MAPKAP1: variants seen among roughly 807,000 people sequenced by gnomAD.
The protein encoded by MAPKAP1 is target of rapamycin complex 2 subunit MAPKAP1.
A neutral mutation model predicts 65.7 loss-of-function variants in MAPKAP1; 20 were observed. The observed-to-expected ratio is 0.30, with a 90% CI of 0.21 to 0.44. The LOEUF (loss-of-function observed/expected upper bound fraction) is 0.44. MAPKAP1 is among the 20% of genes least tolerant of loss of function. MAPKAP1 has a pLI of 1.00. For synonymous variants in MAPKAP1, 222 were observed against 244.3 expected (o/e 0.91, Z 0.85); for missense variants, 423 against 648.0 (o/e 0.65, Z 3.77).
At chr9:125,580,056 G>A (rs1435421342) in intron 5 of MAPKAP1, among the ~76,000 whole-genome samples, 1 of 152,202 alleles carries the variant, frequency 6.6e-6, no homozygotes, top group Non-Finnish European at 1.5e-5. Context: ...GAGAGGATAT[G>A]GAGAAATAGA....
intron 10 of MAPKAP1, among the ~76,000 whole-genome samples, chr9:125,460,308 GAAAA>G (rs1053806026): frequency 1.5e-5 from 2 of 137,496 alleles, no homozygotes; most frequent in African/African-American, 2.7e-5. Flanking sequence ...TCTCCCAGGA[GAAAA>G]AAAAAAAAGT....
At chr9:125,594,004 G>A (rs1256256210) in intron 4 of MAPKAP1, among the ~76,000 whole-genome samples, 3 of 152,040 alleles carry the variant, frequency 2.0e-5, no homozygotes, top group Admixed American at 1.3e-4. Context: ...ACTCTGTCAC[G>A]CAAGCTAGGA....
intron 8 of MAPKAP1, among the ~76,000 whole-genome samples, chr9:125,503,164 A>G (rs1194695801): frequency 6.6e-6 from 1 of 152,236 alleles, no homozygotes; most frequent in Non-Finnish European, 1.5e-5. Context: ...CATCCTAACC[A>G]TCTTACAGAT....
Position 125,524,099 on chromosome 9 carries a change from C to A in MAPKAP1, c.959-17682G>T, listed in dbSNP as rs984375835. On this transcript the variant is annotated intron_variant, in intron 7 of 11. Transcript: ENST00000265960. ...AGAGGCCAGGCTTGAGGACTGCAAC[C>A]TAGGAGCATAGATTTAGGTTGCCCT... Among the ~76,000 whole-genome samples, 3 of 152,188 alleles carry A rather than the reference C, an allele frequency of 2.0e-5. 1 individual carries two copies. The highest frequency in any genetic ancestry group is 1.3e-4 in the Admixed American group (2 of 15,284).
Position 125,439,983 on chromosome 9 carries a change from G to A in MAPKAP1, c.1444-971C>T, listed in dbSNP as rs1019343808. 6.6e-6 allele frequency among the ~76,000 whole-genome samples: 1 copy of A among 152,218 alleles called. No individual in the cohort carries two copies. The highest frequency in any genetic ancestry group is 1.5e-5 in the Non-Finnish European group (1 of 68,046). On this transcript the variant is annotated intron_variant, in intron 11 of 11. Coordinates refer to ENST00000265960, the MANE Select transcript of MAPKAP1 (RefSeq NM_001006617.3). This position sits in a 1 kb window ranked among gnomAD's most constrained non-coding sequence, Gnocchi z 4.0. ...ACACAGGAGTTTTTGAGTGCGCAAC[G>A]GGGAGGAGAGACGCAGCATGCATCA...
chr9:125,627,526 C>T (rs1833149519), intron 4 of MAPKAP1, among the ~76,000 whole-genome samples: 3 of 152,128 alleles, frequency 2.0e-5, no homozygotes, highest in Admixed American at 6.5e-5. Context: ...CTGGCCTGCA[C>T]TGAGAAAGGG....
intron 1 of MAPKAP1, among the ~76,000 whole-genome samples, chr9:125,688,161 G>T (rs1050571476): frequency 6.6e-6 from 1 of 151,632 alleles, no homozygotes; most frequent in African/African-American, 2.4e-5. Context: ...TTTTTGAGAC[G>T]GAGTTTTGCT....
At chr9:125,692,258 C>A (rs1835192565) in intron 1 of MAPKAP1, among the ~76,000 whole-genome samples, 1 of 152,116 alleles carries the variant, frequency 6.6e-6, no homozygotes, top group African/African-American at 2.4e-5. Flanking sequence ...GTAGAAATAA[C>A]CCAAATGTCC....
At chr9:125,639,790 G>T (rs1200706230) in intron 4 of MAPKAP1, among the ~76,000 whole-genome samples, 1 of 152,118 alleles carries the variant, frequency 6.6e-6, no homozygotes, top group African/African-American at 2.4e-5. Flanking sequence ...ACAGTATCTG[G>T]TTTCTAATAC....
chr9:125,693,560 CATATATACATACACACACAT>C (rs1835249199), intron 1 of MAPKAP1, among the ~76,000 whole-genome samples: 2 of 150,064 alleles, frequency 1.3e-5, no homozygotes, highest in East Asian at 3.9e-4. Flanking sequence ...TATACACACA[CATATATACATACACACACAT>C]ATATACACGT....
At chr9:125,593,422 G>A (rs1419727713) in intron 4 of MAPKAP1, among the ~76,000 whole-genome samples, 4 of 152,178 alleles carry the variant, frequency 2.6e-5, no homozygotes, top group Admixed American at 2.6e-4. Context: ...AGCACTTTGG[G>A]AGGCTGAGAC....
chr9:125,516,518 C>A (rs536799374), intron 7 of MAPKAP1, among the ~76,000 whole-genome samples: 10 of 152,254 alleles, frequency 6.6e-5, no homozygotes, highest in Admixed American at 2.6e-4. Flanking sequence ...TTTTTTCTTG[C>A]CTGGCCTTGG....
At chr9:125,646,680 A>G (rs781423599) in intron 4 of MAPKAP1, among the ~76,000 whole-genome samples, 26 of 152,222 alleles carry the variant, frequency 1.7e-4, no homozygotes, top group Non-Finnish European at 3.7e-4. Flanking sequence ...TAGAAAGAGG[A>G]AAAAAAGGTC....
intron 6 of MAPKAP1, among the ~76,000 whole-genome samples, chr9:125,551,972 G>C (rs758823164): frequency 1.3e-5 from 2 of 152,144 alleles, no homozygotes; most frequent in Non-Finnish European, 2.9e-5. Flanking sequence ...TTGAGATGCT[G>C]GGCACTATCT....
intron 5 of MAPKAP1, among the ~76,000 whole-genome samples, chr9:125,578,756 G>C (rs1245704134): frequency 6.6e-6 from 1 of 152,042 alleles, no homozygotes; most frequent in Non-Finnish European, 1.5e-5. Context: ...TGAAATATTA[G>C]GAAAAGTTAA....
chr9:125,615,684 G>A (rs1832725503), intron 4 of MAPKAP1, among the ~76,000 whole-genome samples: 1 of 152,168 alleles, frequency 6.6e-6, no homozygotes, highest in East Asian at 1.9e-4. Context: ...AGGCCAAGGT[G>A]AGTGGATAAC....
chr9:125,547,837 T>C (rs540029464), intron 6 of MAPKAP1, among the ~76,000 whole-genome samples: 2 of 152,360 alleles, frequency 1.3e-5, no homozygotes, highest in African/African-American at 4.8e-5. Context: ...AAAACTTTCC[T>C]TTTTGAAAGT....
intron 3 of MAPKAP1, among the ~76,000 whole-genome samples, chr9:125,658,461 A>G (rs1445998500): frequency 6.6e-6 from 1 of 152,256 alleles, no homozygotes; most frequent in Non-Finnish European, 1.5e-5. Context: ...CCTATGAGGT[A>G]GATACTAGCG....
chr9:125,582,081 C>G (rs1831642652), intron 5 of MAPKAP1, among the ~76,000 whole-genome samples: 1 of 152,114 alleles, frequency 6.6e-6, no homozygotes, highest in African/African-American at 2.4e-5. Context: ...AGGTTGAATT[C>G]CTCAGTATCA....
Sources: gnomAD v4.1 joint callset for allele counts (sites outside exome capture counted in the v4.1 genomes callset) on GRCh38, gnomAD v4.1.1 for gene constraint, Gnocchi (gnomAD v3.1) non-coding constraint, MANE v1.5 for transcripts, NCBI Gene and HGNC (gene_info 2026-07-23, HGNC 2026-07-21) for gene names.